Variants in TIAM1 observed in about 807,000 individuals in gnomAD.
TIAM1 encodes TIAM Rac1 associated GEF 1, also known as rho guanine nucleotide exchange factor TIAM1.
TIAM1 carries 65 observed loss-of-function variants against 163.5 expected under a neutral mutation model. That is an observed-to-expected ratio of 0.40 (90% CI 0.33 to 0.49). TIAM1 has a LOEUF of 0.49. Ranked by LOEUF, TIAM1 falls within the 20% of genes least tolerant of loss-of-function variation. TIAM1 has a pLI of 0.77. For missense variants in TIAM1, 1,789 were observed against 2,044.7 expected, an observed-to-expected ratio of 0.87 and a Z score of 2.41; for synonymous variants, 833 against 810.1, an observed-to-expected ratio of 1.03 and a Z score of -0.48.
chr21:31,384,148 G>T (rs2076826213), intron 2 of TIAM1, among the ~76,000 whole-genome samples: 2 of 152,014 alleles, frequency 1.3e-5, no homozygotes, highest in Non-Finnish European at 2.9e-5. Context: ...GTCTCAAGCA[G>T]GGGACTGGGC....
In TIAM1 at chr21:31,440,119, T is replaced by C. The variant is rs116637555; in HGVS notation, c.-369+23864A>G. On this transcript the variant is annotated intron_variant, in intron 2 of 28. Transcript: ENST00000286827. ...AAATAAGAGAATAACAAAAGCCATATGCAGTAAGTATTCTACAAACGTTAG... is the reference window on the plus strand; with the variant it reads ...AAATAAGAGAATAACAAAAGCCATACGCAGTAAGTATTCTACAAACGTTAG... Among the ~76,000 whole-genome samples the C allele has an allele frequency of 4.2e-3, 638 of 152,308 alleles. 11 individuals carry two copies. Among genetic ancestry groups the C allele is most frequent in the African/African-American group, 0.015 (605 of 41,568 alleles).
chr21:31,422,858 TAA>T (rs1236176534), intron 2 of TIAM1, among the ~76,000 whole-genome samples: 1 of 152,144 alleles, frequency 6.6e-6, no homozygotes, highest in East Asian at 1.9e-4. Flanking sequence ...CATTGCTCCG[TAA>T]AGATTCCCTA....
chr21:31,185,187 G>T (rs1367846940), intron 14 of TIAM1, among the ~76,000 whole-genome samples: 1 of 151,868 alleles, frequency 6.6e-6, no homozygotes, highest in Non-Finnish European at 1.5e-5. Flanking sequence ...CCCATAGCAA[G>T]AAGAAAGAAA....
At chr21:31,257,564 C>T (rs1383104181) in intron 4 of TIAM1, among the ~76,000 whole-genome samples, 4 of 152,040 alleles carry the variant, frequency 2.6e-5, no homozygotes, top group Non-Finnish European at 5.9e-5. Flanking sequence ...TCTTCCCCTC[C>T]GAGTGCCACA....
At chr21:31,389,147 C>T (rs2076928148) in intron 2 of TIAM1, among the ~76,000 whole-genome samples, 1 of 152,206 alleles carries the variant, frequency 6.6e-6, no homozygotes, top group Admixed American at 6.5e-5. Flanking sequence ...TTTCATATAA[C>T]TTTCCCATAT....
At position 31,413,855 on chromosome 21, in the gene TIAM1, A is replaced by C. The variant is rs566979701; in HGVS notation, c.-369+50128T>G. 3.9e-5 allele frequency among the ~76,000 whole-genome samples: 6 copies of C among 152,262 alleles called. 1 individual carries two copies. The East Asian group carries it at 1.2e-3, about 29-fold the overall frequency. ...GTGCTGCTAAATGAGATGAAGACCC[A>C]GTCCCAAAGCTGTGAGTGTGACTCA... is the stretch of plus-strand genomic sequence containing the variant. On this transcript the variant is annotated intron_variant, in intron 2 of 28. Coordinates refer to the TIAM1 transcript ENST00000286827.
At chr21:31,463,615 C>T (rs1189505724) in intron 2 of TIAM1, among the ~76,000 whole-genome samples, 4 of 151,996 alleles carry the variant, frequency 2.6e-5, no homozygotes, top group East Asian at 1.9e-4. Context: ...GTAAGGAGTT[C>T]GAGACCAGCC....
At chr21:31,517,093 A>ATTCACATG (rs2047410412) in intron 1 of TIAM1, among the ~76,000 whole-genome samples, 1 of 151,972 alleles carries the variant, frequency 6.6e-6, no homozygotes, top group Non-Finnish European at 1.5e-5. Flanking sequence ...AATACAATGA[A>ATTCACATG]TTCACATGTT....
At chr21:31,179,653 G>A (rs979144975) in intron 15 of TIAM1, among the ~76,000 whole-genome samples, 1 of 151,910 alleles carries the variant, frequency 6.6e-6, no homozygotes, top group African/African-American at 2.4e-5. Context: ...AAAGGTGAGC[G>A]GTCTGAAGGA....
chr21:31,432,282 G>C (rs1022592157), intron 2 of TIAM1, among the ~76,000 whole-genome samples: 1 of 151,872 alleles, frequency 6.6e-6, no homozygotes, highest in African/African-American at 2.4e-5. Flanking sequence ...TGTATTTTTA[G>C]TGGAGACAGG....
intron 2 of TIAM1, among the ~76,000 whole-genome samples, chr21:31,382,556 G>A (rs2076795975): frequency 1.3e-5 from 2 of 152,088 alleles, no homozygotes; most frequent in South Asian, 4.1e-4. Context: ...GTTTTTTTCC[G>A]AAAGACTGAC....
chr21:31,439,638 AT>A (rs1236228044), intron 2 of TIAM1, among the ~76,000 whole-genome samples: 1 of 152,174 alleles, frequency 6.6e-6, no homozygotes, highest in Non-Finnish European at 1.5e-5. Context: ...CTACGAAATG[AT>A]CCCCAGAAGA....
chr21:31,357,617 T>G (rs1012286397), intron 2 of TIAM1, among the ~76,000 whole-genome samples: 4 of 152,218 alleles, frequency 2.6e-5, no homozygotes, highest in Non-Finnish European at 5.9e-5. Context: ...GAAAATTTGC[T>G]GCTTTCTCCC....
intron 2 of TIAM1, among the ~76,000 whole-genome samples, chr21:31,454,280 A>G (rs2045001386): frequency 6.6e-6 from 1 of 152,228 alleles, no homozygotes; most frequent in African/African-American, 2.4e-5. Context: ...TATTTACTGA[A>G]TGGTTCAAGG....
intron 1 of TIAM1, among the ~76,000 whole-genome samples, chr21:31,506,281 CAT>C (rs1248908558): frequency 1.3e-5 from 2 of 150,772 alleles, no homozygotes; most frequent in Non-Finnish European, 3.0e-5. Context: ...CACACACACA[CAT>C]ATGCATCTGC....
At chr21:31,460,327 G>A (rs1036191116) in intron 2 of TIAM1, among the ~76,000 whole-genome samples, 4 of 152,134 alleles carry the variant, frequency 2.6e-5, no homozygotes, top group South Asian at 4.1e-4. Context: ...GCACCACTCC[G>A]GAAGTGCCAC....
intron 2 of TIAM1, among the ~76,000 whole-genome samples, chr21:31,394,002 T>C (rs2077010582): frequency 6.6e-6 from 1 of 152,244 alleles, no homozygotes. Flanking sequence ...TTATATATTA[T>C]GTGAATATAC....
intron 16 of TIAM1, among the ~76,000 whole-genome samples, 156 bp downstream of exon 16, chr21:31,164,806 T>C (rs1263814479): frequency 6.6e-6 from 1 of 152,232 alleles, no homozygotes; most frequent in Non-Finnish European, 1.5e-5. Context: ...AGGCTATAAT[T>C]TGGATTTCAT....
chr21:31,553,377 G>C (rs2048759679), intron 1 of TIAM1, among the ~76,000 whole-genome samples: 1 of 152,164 alleles, frequency 6.6e-6, no homozygotes, highest in Non-Finnish European at 1.5e-5. Context: ...TGCACATTCT[G>C]CAAGAAGGAA....
Sources: allele counts gnomAD v4.1 joint callset (sites outside exome capture counted in the v4.1 genomes callset), GRCh38; gene constraint gnomAD v4.1.1; transcripts MANE v1.5; gene names NCBI Gene and HGNC (gene_info 2026-07-23, HGNC 2026-07-21).